The following PVT1 variants were observed in gnomAD, a reference collection of about 807,000 sequenced individuals.
The protein encoded by PVT1 is CXCR4/PVT1 fusion.
intron 2 of PVT1, among the ~76,000 whole-genome samples, chr8:127,824,630 A>G (rs187354285): frequency 1.6e-4 from 25 of 152,136 alleles, no homozygotes; most frequent in Admixed American, 1.5e-3. Flanking sequence ...TTTTCTTTGC[A>G]TATTTCTTTT....
chr8:127,987,878 C>T (rs916512594), intron 3 of PVT1, among the ~76,000 whole-genome samples: 8 of 152,276 alleles, frequency 5.3e-5, no homozygotes, highest in African/African-American at 1.9e-4. Flanking sequence ...CCCAGAGGCG[C>T]TGAGGACAGC....
intron 5 of PVT1, among the ~76,000 whole-genome samples, chr8:128,089,043 G>A (rs1814314234): frequency 6.6e-6 from 1 of 152,212 alleles, no homozygotes; most frequent in African/African-American, 2.4e-5. Context: ...ACTGAGGCCA[G>A]GGGAAAATAT....
At chr8:127,864,055 T>G (rs1364499157) in intron 2 of PVT1, among the ~76,000 whole-genome samples, 8 of 152,204 alleles carry the variant, frequency 5.3e-5, no homozygotes, top group Admixed American at 1.3e-4. Context: ...ATGGCTTTCC[T>G]GGGCCTGCCA....
At chr8:127,820,191 G>C (rs567384332) in intron 2 of PVT1, among the ~76,000 whole-genome samples, 1 of 152,252 alleles carries the variant, frequency 6.6e-6, no homozygotes, top group East Asian at 1.9e-4. Flanking sequence ...TGTGGGTTGG[G>C]AGTTTAATCA....
intron 4 of PVT1, among the ~76,000 whole-genome samples, chr8:127,999,794 T>G (rs1287031210): frequency 6.6e-6 from 1 of 152,254 alleles, no homozygotes; most frequent in Non-Finnish European, 1.5e-5. Context: ...GTTTTCTTTT[T>G]GCCCACATTG....
At chr8:127,893,557 T>C (rs747440682) in intron 3 of PVT1, among the ~76,000 whole-genome samples, 4 of 152,202 alleles carry the variant, frequency 2.6e-5, no homozygotes, top group Non-Finnish European at 5.9e-5. Context: ...TGTTTTACTG[T>C]TGAAGTAACT....
chr8:127,854,527 G>T (rs886473855), intron 2 of PVT1, among the ~76,000 whole-genome samples: 1 of 152,182 alleles, frequency 6.6e-6, no homozygotes, highest in African/African-American at 2.4e-5. Flanking sequence ...AGACACTCTA[G>T]GTCTTTCGCG....
intron 4 of PVT1, among the ~76,000 whole-genome samples, chr8:128,006,505 T>C (rs1305974398): frequency 6.6e-6 from 1 of 152,206 alleles, no homozygotes; most frequent in African/African-American, 2.4e-5. Context: ...TTTTTCTGTG[T>C]AATGAATAAG....
At chr8:127,831,448 A>G (rs1683096833) in intron 2 of PVT1, among the ~76,000 whole-genome samples, 1 of 152,190 alleles carries the variant, frequency 6.6e-6, no homozygotes, top group Admixed American at 6.6e-5. Context: ...ATTAATGGCC[A>G]CAGGAGATGC....
chr8:127,956,543 G>A (rs1816571334), intron 3 of PVT1, among the ~76,000 whole-genome samples: 1 of 152,252 alleles, frequency 6.6e-6, no homozygotes, highest in Non-Finnish European at 1.5e-5. Flanking sequence ...GGAGTGCAGT[G>A]GCGTGATCTC....
intron 3 of PVT1, among the ~76,000 whole-genome samples, chr8:127,915,376 G>C (rs577303225): frequency 1.3e-5 from 2 of 151,822 alleles, no homozygotes; most frequent in South Asian, 4.2e-4. Flanking sequence ...TTGGGAGGCC[G>C]AGGCGGGCGG....
intron 4 of PVT1, among the ~76,000 whole-genome samples, chr8:128,006,142 T>A (rs890785057): frequency 7.5e-5 from 10 of 133,078 alleles, no homozygotes; most frequent in Admixed American, 3.0e-4. Flanking sequence ...ATAATAATAA[T>A]AATAATAAAA....
intron 2 of PVT1, among the ~76,000 whole-genome samples, chr8:127,835,745 G>T (rs1180096641): frequency 6.6e-6 from 1 of 152,164 alleles, no homozygotes; most frequent in Non-Finnish European, 1.5e-5. Flanking sequence ...TGCAGTGAGT[G>T]AGTTCTCCAT....
chr8:127,899,341 C>A (rs1044453770), intron 3 of PVT1, among the ~76,000 whole-genome samples: 2 of 152,122 alleles, frequency 1.3e-5, no homozygotes, highest in African/African-American at 4.8e-5. Context: ...TGTCCATCTC[C>A]CCTCTCTGAA....
At chr8:127,962,725 T>G (rs917754117) in intron 3 of PVT1, among the ~76,000 whole-genome samples, 1 of 151,996 alleles carries the variant, frequency 6.6e-6, no homozygotes, top group Non-Finnish European at 1.5e-5. Context: ...GCCTCCCGAG[T>G]AGCTGGGATT....
chr8:127,869,140 A>G lies in PVT1; in HGVS notation n.373-21449A>G, dbSNP rs184633369. Among the ~76,000 whole-genome samples, 31 of 151,892 alleles carry G rather than the reference A, an allele frequency of 2.0e-4. No individual in the cohort carries two copies. In the East Asian group the frequency reaches 6.0e-3, roughly 29 times the overall value. On this transcript the variant is annotated intron_variant and non_coding_transcript_variant, in intron 2 of 10. Coordinates refer to ENST00000651587, the Ensembl canonical transcript of PVT1. ...TGGCATTATTATTCTTTATTTATTT[A>G]TTTATTTTGAGATGGAGTCTCGCTC... is the stretch of plus-strand genomic sequence containing the variant.
intron 4 of PVT1, among the ~76,000 whole-genome samples, chr8:128,009,969 C>T (rs79110538): frequency 0.015 from 2,272 of 152,234 alleles, 55 homozygotes; most frequent in African/African-American, 0.052. Context: ...AAAAGTGTTT[C>T]TGAGGCTGAA....
At chr8:127,875,369 C>CTG (rs1815394552) in intron 2 of PVT1, among the ~76,000 whole-genome samples, 4 of 151,300 alleles carry the variant, frequency 2.6e-5, no homozygotes, top group Non-Finnish European at 4.4e-5. Flanking sequence ...CTCTGTCTCT[C>CTG]TCTCTCTCTC....
intron 4 of PVT1, among the ~76,000 whole-genome samples, chr8:128,007,484 A>G (rs1191794560): frequency 6.6e-6 from 1 of 152,092 alleles, no homozygotes; most frequent in African/African-American, 2.4e-5. Context: ...CTAATATGGG[A>G]TGGTGTCCAC....
Sources: gnomAD v4.1 joint callset for allele counts (sites outside exome capture counted in the v4.1 genomes callset) on GRCh38, gnomAD v4.1.1 for gene constraint, MANE v1.5 for transcripts, NCBI Gene and HGNC (gene_info 2026-07-23, HGNC 2026-07-21) for gene names.